Variants in TJP1 observed in about 807,000 individuals in gnomAD.
The protein encoded by TJP1 is tight junction protein ZO-1.
TJP1 carries 43 observed loss-of-function variants against 194.2 expected under a neutral mutation model. The observed-to-expected ratio is 0.22, with a 90% CI of 0.17 to 0.29. TJP1 has a LOEUF of 0.29. Ranked by LOEUF, TJP1 falls within the 10% of genes least tolerant of loss-of-function variation. TJP1 has a pLI of 1.00. For missense variants in TJP1, 1,971 were observed against 2,185.7 expected (o/e 0.90, Z 1.96); for synonymous variants, 801 against 779.0 (o/e 1.03, Z -0.47).
intron 1 of TJP1, among the ~76,000 whole-genome samples, chr15:29,806,398 C>T (rs955095950): frequency 1.3e-5 from 2 of 152,134 alleles, no homozygotes; most frequent in East Asian, 1.9e-4. Flanking sequence ...ATCAATACAC[C>T]TCATTTATCT....
chr15:29,876,363 T>C (rs943636797), intron 2 of TJP1, among the ~76,000 whole-genome samples: 1 of 152,002 alleles, frequency 6.6e-6, no homozygotes, highest in African/African-American at 2.4e-5. Flanking sequence ...CTACTAAAAA[T>C]ACAAAAAATT....
intron 2 of TJP1, among the ~76,000 whole-genome samples, chr15:29,773,885 A>G (rs2046848543): frequency 6.6e-6 from 1 of 152,264 alleles, no homozygotes; most frequent in Non-Finnish European, 1.5e-5. Context: ...GAAGGTGTAC[A>G]TTAGCCATAT....
intron 17 of TJP1, 36 bp downstream of exon 17, chr15:29,726,745 T>C (rs1452213957): frequency 6.3e-7 from 1 of 1,591,690 alleles, no homozygotes; most frequent in South Asian, 1.1e-5. Context: ...GCCCAGACAT[T>C]GTAAGCTGAA....
At chr15:29,932,531 A>T (rs1485796127) in intron 2 of TJP1, among the ~76,000 whole-genome samples, 4 of 152,182 alleles carry the variant, frequency 2.6e-5, no homozygotes, top group Admixed American at 2.0e-4. Context: ...CTTTAAAAAA[A>T]ATATGGGAGA....
rs781391449 is a variant in TJP1 at position 29,711,000 on chromosome 15, CCT to C, written c.4203-2_4203-1del. The C allele has an allele frequency of 3.2e-6, 5 of 1,576,656 alleles. No individual in the cohort carries two copies. The highest frequency in any genetic ancestry group is 1.2e-5 in the South Asian group (1 of 86,126). On this transcript the variant is annotated splice_acceptor_variant, in intron 23 of 27. Transcript: ENST00000614355. LOFTEE classifies it high-confidence loss of function. ...CACCATCAGCTTCAGGAGGCTTTCCCCTGTTAACAAATGAAGAAAATGCCAAC... is the reference window on the plus strand; with the variant it reads ...CACCATCAGCTTCAGGAGGCTTTCCCGTTAACAAATGAAGAAAATGCCAAC...
At chr15:29,818,001 GAACTT>G (rs1218646863) in intron 1 of TJP1, among the ~76,000 whole-genome samples, 2 of 148,600 alleles carry the variant, frequency 1.3e-5, no homozygotes, top group African/African-American at 5.0e-5. Context: ...ATGGATCCCA[GAACTT>G]AATTAAAAAA....
intron 2 of TJP1, among the ~76,000 whole-genome samples, chr15:29,850,542 G>C (rs989949085): frequency 2.0e-5 from 3 of 151,862 alleles, no homozygotes; most frequent in African/African-American, 7.3e-5. Context: ...TCATCATGTT[G>C]GCCAGGCTGG....
At chr15:29,797,733 CT>C (rs1471396654) in intron 2 of TJP1, among the ~76,000 whole-genome samples, 2 of 152,018 alleles carry the variant, frequency 1.3e-5, no homozygotes, top group African/African-American at 4.8e-5. Context: ...ATAAAGACTA[CT>C]GCAACTCAAC....
chr15:29,807,468 G>A (rs185390824), intron 1 of TJP1, among the ~76,000 whole-genome samples: 1 of 152,262 alleles, frequency 6.6e-6, no homozygotes, highest in East Asian at 1.9e-4. Context: ...TAGATACAAA[G>A]ATCTCTCACA....
intron 1 of TJP1, among the ~76,000 whole-genome samples, chr15:29,809,862 A>C (rs879001363): frequency 6.6e-6 from 1 of 151,630 alleles, no homozygotes; most frequent in Non-Finnish European, 1.5e-5. Context: ...AAAAAAAACC[A>C]AACACTTAAG....
chr15:29,757,007 C>T (rs916212587), intron 8 of TJP1, among the ~76,000 whole-genome samples: 1 of 152,064 alleles, frequency 6.6e-6, no homozygotes, highest in African/African-American at 2.4e-5. Flanking sequence ...AACACATGTG[C>T]CAGGTATTGT....
intron 15 of TJP1, among the ~76,000 whole-genome samples, chr15:29,731,200 C>T (rs1434585853): frequency 1.3e-5 from 2 of 151,330 alleles, no homozygotes; most frequent in South Asian, 4.2e-4. Context: ...GTGGAGAAAA[C>T]ACCTTTCCCT....
intron 1 of TJP1, among the ~76,000 whole-genome samples, chr15:29,967,451 A>G (rs942312485): frequency 1.3e-5 from 2 of 152,132 alleles, no homozygotes; most frequent in African/African-American, 2.4e-5. Context: ...ACAGTGGTAG[A>G]CACCTTTGTA....
intron 2 of TJP1, among the ~76,000 whole-genome samples, chr15:29,872,782 G>A (rs1567153678): frequency 6.6e-6 from 1 of 152,164 alleles, no homozygotes; most frequent in African/African-American, 2.4e-5. Context: ...CCTCTTTGGA[G>A]AAGCCACCAC....
chr15:29,804,520 G>A (rs954131040), intron 1 of TJP1, among the ~76,000 whole-genome samples: 22 of 152,162 alleles, frequency 1.4e-4, no homozygotes, highest in African/African-American at 5.1e-4. Flanking sequence ...AAGGGGTGTG[G>A]AGGTTCCTTT....
At chr15:29,778,686 C>A (rs951201936) in intron 2 of TJP1, among the ~76,000 whole-genome samples, 3 of 152,178 alleles carry the variant, frequency 2.0e-5, no homozygotes, top group African/African-American at 7.2e-5. Flanking sequence ...AATACTGATT[C>A]CTGCTTAGGG....
chr15:29,774,605 T>C (rs1356450749), intron 2 of TJP1, among the ~76,000 whole-genome samples: 1 of 151,844 alleles, frequency 6.6e-6, no homozygotes, highest in Non-Finnish European at 1.5e-5. Flanking sequence ...CTACAGGGAT[T>C]GGAGGGGGTG....
At chr15:29,812,549 T>C (rs1357544156) in intron 1 of TJP1, among the ~76,000 whole-genome samples, 14 of 152,192 alleles carry the variant, frequency 9.2e-5, no homozygotes, top group South Asian at 6.2e-4. Context: ...CTGGCTTTCA[T>C]GATTCATGCT....
intron 18 of TJP1, among the ~76,000 whole-genome samples, chr15:29,722,233 G>C (rs967958853): frequency 6.6e-6 from 1 of 152,204 alleles, no homozygotes; most frequent in Non-Finnish European, 1.5e-5. Flanking sequence ...GGCCTATGCG[G>C]CAGCCCCTCC....
Sources: allele counts gnomAD v4.1 joint callset (sites outside exome capture counted in the v4.1 genomes callset), GRCh38; gene constraint gnomAD v4.1.1; transcripts MANE v1.5; gene names NCBI Gene and HGNC (gene_info 2026-07-23, HGNC 2026-07-21).